The following SHOX variants were observed in gnomAD, a reference collection of about 807,000 sequenced individuals.
SHOX encodes the protein short stature homeobox protein.
Under a neutral mutation model 29.6 loss-of-function variants are expected in SHOX, and 12 were observed. The observed-to-expected ratio is 0.41, with a 90% CI of 0.26 to 0.66. The LOEUF (loss-of-function observed/expected upper bound fraction) is 0.66, where lower values mean the gene tolerates loss of function less well. Ranked by LOEUF, SHOX falls within the 30% of genes least tolerant of loss-of-function variation. The probability of loss-of-function intolerance (pLI) is 0.35; values close to 1 mark genes in which losing one functional copy is unlikely to be tolerated. For synonymous variants in SHOX, 214 were observed against 200.6 expected (o/e 1.07, Z -0.57); for missense variants, 499 against 437.7 (o/e 1.14, Z -1.25).
upstream of SHOX, among the ~76,000 whole-genome samples, chrX:628,137 C>CTCTCTG (rs2052572323): frequency 6.3e-4 from 23 of 36,486 alleles, no homozygotes; most frequent in African/African-American, 1.4e-3. Context: ...CTCTGTATCT[C>CTCTCTG]TATCTGTGTC....
downstream of SHOX, among the ~76,000 whole-genome samples, chrX:656,261 G>A (rs935888995): frequency 7.0e-6 from 1 of 142,726 alleles, no homozygotes; most frequent in African/African-American, 2.7e-5. Flanking sequence ...CAGCAACAAA[G>A]TGAGATCTTG....
upstream of SHOX, among the ~76,000 whole-genome samples, chrX:627,777 G>A (rs1474237411): frequency 6.6e-6 from 1 of 152,160 alleles, no homozygotes; most frequent in Non-Finnish European, 1.5e-5. Flanking sequence ...GGCCCAAGAA[G>A]GAACCTCAGG....
intron 1 of SHOX, chrX:632,092 G>A: frequency 2.3e-6 from 1 of 436,754 alleles, no homozygotes; most frequent in Admixed American, 2.4e-5. Context: ...TGATCTTGGC[G>A]AAAGCTGTTG....
Position 650,798 on chromosome X carries a change from A to AAAAAAAAAC in SHOX, c.*6170_*6171insCAAAAAAAA. Among the ~76,000 whole-genome samples, 1 of 141,634 alleles carries AAAAAAAAAC rather than the reference A, an allele frequency of 7.1e-6. No individual in the cohort carries two copies. The highest frequency in any genetic ancestry group is 1.6e-5 in the Non-Finnish European group (1 of 63,982). The allele number at this position is 141,634 out of a possible 152,430, so 92.9% of individuals were successfully genotyped here. Reference sequence around the variant, plus strand: ...CGGTGGACACGTTTGACATTAAAAAAAAAAAAAAAAAAAAAAAAAAACTGG... The same window carrying AAAAAAAAAC: ...CGGTGGACACGTTTGACATTAAAAAAAAAAAAAACAAAAAAAAAAAAAAAAAAAAACTGG... On this transcript the variant is annotated 3_prime_UTR_variant, in exon 5 of 5. Coordinates refer to ENST00000686671, the MANE Select transcript of SHOX (RefSeq NM_000451.4).
chrX:630,508 G>C (rs1230709353), upstream of SHOX: 1 of 346,156 alleles, frequency 2.9e-6, no homozygotes, highest in African/African-American at 2.1e-5. Flanking sequence ...GAGAGAACGC[G>C]GGTAACCTGT....
rs2052947381 is a variant in SHOX, at chrX:645,390, A to ATTTTTTGTTTT, written c.*760_*761insGTTTTTTTTTT. On this transcript the variant is annotated 3_prime_UTR_variant, in exon 5 of 5. Transcript: ENST00000686671. ...GGGTCTGGTTTTGTTTTGGATTGGT[A>ATTTTTTGTTTT]TTTTTTTTTTTTTTTTTTTTTTTTT... 1 of 78,332 alleles carries ATTTTTTGTTTT rather than the reference A, an allele frequency of 1.3e-5. No homozygotes were observed. Among genetic ancestry groups the ATTTTTTGTTTT allele is most frequent in the Non-Finnish European group, 2.4e-5 (1 of 42,278 alleles). 4.9% of individuals were successfully genotyped at this position (78,332 alleles called of 1,614,324 possible).
rs1391835991 is a variant in SHOX at position 648,760 on chromosome X, C to G, written c.*4124C>G. On this transcript the variant is annotated 3_prime_UTR_variant, in exon 5 of 5. Transcript: ENST00000686671. Reference sequence around the variant, plus strand: ...CTTTCTGTAGGTGGATGAGTGATCCCTGAATGAGTGTGGGGTACGTGTATG... The same window carrying G: ...CTTTCTGTAGGTGGATGAGTGATCCGTGAATGAGTGTGGGGTACGTGTATG... Among the ~76,000 whole-genome samples, 4 of 152,038 alleles carry G rather than the reference C, an allele frequency of 2.6e-5. No homozygotes were observed. Among genetic ancestry groups the G allele is most frequent in the South Asian group, 2.1e-4 (1 of 4,810 alleles).
downstream of SHOX, among the ~76,000 whole-genome samples, chrX:654,677 C>T (rs754433504): frequency 6.6e-6 from 1 of 152,074 alleles, no homozygotes; most frequent in Non-Finnish European, 1.5e-5. Flanking sequence ...CAAGAGGATA[C>T]TTTGTTTTTG....
intron 4 of SHOX, among the ~76,000 whole-genome samples, chrX:642,615 G>A (rs997823371): frequency 1.4e-4 from 21 of 152,276 alleles, no homozygotes; most frequent in Admixed American, 1.3e-3. Context: ...CCTACTTCTT[G>A]TACCGTCTTT....
chrX:632,969 G>A (rs2052677053), intron 1 of SHOX, among the ~76,000 whole-genome samples: 1 of 152,208 alleles, frequency 6.6e-6, no homozygotes, highest in African/African-American at 2.4e-5. Context: ...CCGTGGACCC[G>A]GGAGAGCAAA....
chrX:639,999 T>A (rs1228090504), intron 2 of SHOX, among the ~76,000 whole-genome samples: 1 of 150,540 alleles, frequency 6.6e-6, no homozygotes, highest in African/African-American at 2.4e-5. Flanking sequence ...AGACTCTGTC[T>A]CAAAAACAAA....
At chrX:641,170 C>T (rs1279866815) in intron 4 of SHOX, 83 bp downstream of exon 4, 7 of 1,292,876 alleles carry the variant, frequency 5.4e-6, no homozygotes, top group African/African-American at 4.4e-5. Flanking sequence ...CGCATCCTGA[C>T]ACTCCTAGTC....
At chrX:633,879 C>G (rs140791130) in intron 1 of SHOX, among the ~76,000 whole-genome samples, 1 of 152,192 alleles carries the variant, frequency 6.6e-6, no homozygotes, top group Non-Finnish European at 1.5e-5. Flanking sequence ...CACCTGGAAA[C>G]GCTTGAGGGC....
At chrX:656,616 C>A (rs1479601997) in intron 5 of SHOX, among the ~76,000 whole-genome samples, 1 of 152,014 alleles carries the variant, frequency 6.6e-6, no homozygotes, top group African/African-American at 2.4e-5. Context: ...CCGAGGCGGG[C>A]GGATCACGAG....
chrX:643,478 G>A (rs1393765460), intron 4 of SHOX, among the ~76,000 whole-genome samples: 2 of 135,500 alleles, frequency 1.5e-5, no homozygotes, highest in Admixed American at 1.5e-4. Flanking sequence ...CTGGTGTCCT[G>A]GGGAGAGCCT....
Position 634,679 on chromosome X carries a change from C to CA in SHOX, c.341dup (p.Leu115AlafsTer67). 6.2e-7 allele frequency: 1 copy of CA among 1,613,886 alleles called. No homozygotes were observed. The highest frequency in any genetic ancestry group is 8.5e-7 in the Non-Finnish European group (1 of 1,179,854). ...AGTCGGAGGACGAGGACGGGCAGAC[C>CA]AAGCTGAAACAGAGGCGCAGCCGCA... is the stretch of plus-strand genomic sequence containing the variant. On this transcript the variant is annotated frameshift_variant, in exon 2 of 5. Coordinates refer to ENST00000686671, the MANE Select transcript of SHOX (RefSeq NM_000451.4). LOFTEE classifies it high-confidence loss of function.
At chrX:641,403 T>C (rs143647566) in intron 4 of SHOX, among the ~76,000 whole-genome samples, 4,404 of 151,312 alleles carry the variant, frequency 0.029, 218 homozygotes, top group African/African-American at 0.1. Context: ...CTATTAAAAA[T>C]ACAAAATGGG....
In SHOX at chrX:651,242, C is replaced by T. The variant is rs1454715734; in HGVS notation, c.*6606C>T. ...TTCTTTTTCCCTCCCCCATTGACGA[C>T]ATAGCGGCCCCCGCGTCCGGGTTAC... On this transcript the variant is annotated 3_prime_UTR_variant, in exon 5 of 5. Coordinates refer to ENST00000686671, the MANE Select transcript of SHOX (RefSeq NM_000451.4). The T allele has an allele frequency of 2.2e-6, 1 of 453,014 alleles. No homozygotes were observed. Among genetic ancestry groups the T allele is most frequent in the South Asian group, 1.6e-5 (1 of 63,630 alleles). The allele number at this position is 453,014 out of a possible 1,614,324, so 28.1% of individuals were successfully genotyped here.
Position 644,228 on chromosome X carries a change from G to A in SHOX, c.634-163G>A, listed in dbSNP as rs769768241. 5.4e-5 allele frequency: 32 copies of A among 593,742 alleles called. No homozygotes were observed. In the East Asian group the frequency reaches 3.8e-3, roughly 71 times the overall value. 36.8% of individuals were successfully genotyped at this position (593,742 alleles called of 1,614,324 possible). A position where few individuals can be genotyped will look rare whatever the true frequency, so the allele number is the denominator to read the frequency against. On this transcript the variant is annotated intron_variant, in intron 4 of 4. Coordinates refer to ENST00000686671, the MANE Select transcript of SHOX (RefSeq NM_000451.4). ...CAGTGGCAGCGCCAATTCTGGGCCA[G>A]GGGGAAGGAGGAAAGGCGGGTGTGG...
Sources: allele counts gnomAD v4.1 joint callset (sites outside exome capture counted in the v4.1 genomes callset), GRCh38; gene constraint gnomAD v4.1.1; transcripts MANE v1.5; gene names NCBI Gene and HGNC (gene_info 2026-07-23, HGNC 2026-07-21).